Variants in SLC30A7 observed in about 807,000 individuals in gnomAD.
SLC30A7 encodes the protein solute carrier family 30 member 7, also known as zinc transporter 7.
In SLC30A7, 35 loss-of-function variants were observed where a neutral mutation model predicts 46.0. That is an observed-to-expected ratio of 0.76 (90% CI 0.58 to 1.01). The LOEUF (loss-of-function observed/expected upper bound fraction) is 1.01. SLC30A7 is among the 50% of genes least tolerant of loss of function. The pLI, the probability that SLC30A7 is intolerant of heterozygous loss-of-function variation, is 0.00. For synonymous variants in SLC30A7, 147 were observed against 157.8 expected (o/e 0.93, Z 0.51); for missense variants, 464 against 451.1 (o/e 1.03, Z -0.26).
chr1:100,940,970 C>T (rs1339798128), intron 8 of SLC30A7: 1 of 386,710 alleles, frequency 2.6e-6, no homozygotes, highest in East Asian at 8.3e-5. Context: ...TTCCCTGTCA[C>T]TTCTCTGGCT....
chr1:100,940,436 T>G (rs1654269624), intron 8 of SLC30A7, among the ~76,000 whole-genome samples: 1 of 152,086 alleles, frequency 6.6e-6, no homozygotes, highest in African/African-American at 2.4e-5. Context: ...AAAAGAAGAA[T>G]TTTGGCATAA....
intron 8 of SLC30A7, among the ~76,000 whole-genome samples, chr1:100,957,652 C>T (rs997503127): frequency 2.0e-5 from 3 of 152,082 alleles, no homozygotes; most frequent in African/African-American, 7.2e-5. Context: ...CGTCAGATAT[C>T]TAAACATTGT....
intron 7 of SLC30A7, among the ~76,000 whole-genome samples, chr1:100,918,594 G>A (rs1307115848): frequency 6.6e-6 from 1 of 152,162 alleles, no homozygotes; most frequent in Non-Finnish European, 1.5e-5. Flanking sequence ...TGAAGATACT[G>A]TAGGTTGAAA....
intron 8 of SLC30A7, among the ~76,000 whole-genome samples, chr1:100,960,766 A>G (rs1045222867): frequency 3.3e-5 from 5 of 152,050 alleles, no homozygotes; most frequent in African/African-American, 1.2e-4. Context: ...AGAACAGTAC[A>G]TTACCAGTCT....
intron 10 of SLC30A7, among the ~76,000 whole-genome samples, chr1:100,970,523 G>C (rs1321500086): frequency 6.6e-6 from 1 of 151,804 alleles, no homozygotes; most frequent in Non-Finnish European, 1.5e-5. Context: ...AGATTGCTTT[G>C]GGATTAAGTG....
chr1:100,937,142 A>G (rs1052574928), intron 8 of SLC30A7, among the ~76,000 whole-genome samples: 1 of 152,204 alleles, frequency 6.6e-6, no homozygotes, highest in African/African-American at 2.4e-5. Flanking sequence ...AAATAAATCA[A>G]TGTTAAAAGT....
chr1:100,965,701 A>G, intron 9 of SLC30A7, 68 bp from the exon 10 acceptor site: 2 of 1,313,068 alleles, frequency 1.5e-6, no homozygotes, highest in Non-Finnish European at 2.2e-6. Flanking sequence ...GATATGTTGC[A>G]TAATAACTTA....
At chr1:100,904,712 T>G (rs1198481344) in intron 2 of SLC30A7, among the ~76,000 whole-genome samples, 1 of 152,220 alleles carries the variant, frequency 6.6e-6, no homozygotes, top group Non-Finnish European at 1.5e-5. Flanking sequence ...ATGGTGCCTG[T>G]GCCACAGAAG....
At chr1:100,920,308 A>T (rs1483210681) in intron 7 of SLC30A7, among the ~76,000 whole-genome samples, 2 of 151,736 alleles carry the variant, frequency 1.3e-5, no homozygotes, top group African/African-American at 4.8e-5. Context: ...TTTGATGTGT[A>T]TTTTTTTTCC....
Position 100,918,214 on chromosome 1 carries a change from G to C in SLC30A7, c.706+87G>C. The C allele has an allele frequency of 3.5e-6, 4 of 1,134,672 alleles. No individual in the cohort carries two copies. The Admixed American group carries it at 7.5e-5, about 21-fold the overall frequency. The allele number at this position is 1,134,672 out of a possible 1,614,324, so 70.3% of individuals were successfully genotyped here. On this transcript the variant is annotated intron_variant, in intron 7 of 10. Coordinates refer to ENST00000357650, the MANE Select transcript of SLC30A7 (RefSeq NM_133496.5). ...TTAGTTGTCTGAAGTTTTCCTTTAA[G>C]AAAAATATAAAACATAGTGTTTGTG...
intron 8 of SLC30A7, among the ~76,000 whole-genome samples, chr1:100,933,066 C>A (rs968424424): frequency 6.6e-6 from 1 of 151,586 alleles, no homozygotes; most frequent in African/African-American, 2.4e-5. Context: ...AGCTCTGCCT[C>A]CCTGGTTCAG....
intron 2 of SLC30A7, 117 bp from the exon 3 acceptor site, chr1:100,906,735 A>G (rs941359843): frequency 1.3e-5 from 9 of 675,486 alleles, no homozygotes; most frequent in South Asian, 1.2e-4. Context: ...GCATATTTAA[A>G]TTGTTGTTTT....
chr1:100,972,021 G>A (rs1656189301), intron 10 of SLC30A7, among the ~76,000 whole-genome samples: 1 of 152,116 alleles, frequency 6.6e-6, no homozygotes, highest in South Asian at 2.1e-4. Flanking sequence ...ATGTTGACTG[G>A]AGTATGGTTT....
intron 2 of SLC30A7, among the ~76,000 whole-genome samples, chr1:100,905,771 A>T (rs963424636): frequency 2.0e-5 from 3 of 152,130 alleles, no homozygotes; most frequent in African/African-American, 7.2e-5. Context: ...TTATCTGCAG[A>T]AATTATTCAT....
At chr1:100,898,979 G>A (rs943635189) in intron 2 of SLC30A7, among the ~76,000 whole-genome samples, 1 of 152,194 alleles carries the variant, frequency 6.6e-6, no homozygotes, top group Non-Finnish European at 1.5e-5. Flanking sequence ...CATAGAAGCA[G>A]TTGATCTAAT....
intron 5 of SLC30A7, 58 bp downstream of exon 5, chr1:100,912,296 T>C: frequency 1.3e-6 from 2 of 1,566,054 alleles, no homozygotes; most frequent in Non-Finnish European, 1.7e-6. Flanking sequence ...GTCATAATTA[T>C]TTACTTGAGA....
chr1:100,921,357 T>C (rs1226711337), intron 7 of SLC30A7, among the ~76,000 whole-genome samples: 1 of 152,168 alleles, frequency 6.6e-6, no homozygotes, highest in Non-Finnish European at 1.5e-5. Flanking sequence ...CCTAATGCAA[T>C]TTCCATCCCA....
intron 2 of SLC30A7, among the ~76,000 whole-genome samples, chr1:100,900,852 A>G (rs1226911441): frequency 6.6e-6 from 1 of 152,218 alleles, no homozygotes; most frequent in Non-Finnish European, 1.5e-5. Context: ...TTAACAAACA[A>G]TATAAATATA....
At chr1:100,897,745 TACTC>T (rs544449485) in intron 2 of SLC30A7, among the ~76,000 whole-genome samples, 2 of 152,176 alleles carry the variant, frequency 1.3e-5, no homozygotes, top group Non-Finnish European at 2.9e-5. Context: ...CTATAAAAAA[TACTC>T]AATAACCAGC....
Sources: gnomAD v4.1 joint callset for allele counts (sites outside exome capture counted in the v4.1 genomes callset) on GRCh38, gnomAD v4.1.1 for gene constraint, MANE v1.5 for transcripts, NCBI Gene and HGNC (gene_info 2026-07-23, HGNC 2026-07-21) for gene names.